The following CTNNA3 variants were observed in gnomAD, a reference collection of about 807,000 sequenced individuals.
CTNNA3 encodes catenin alpha-3.
Under a neutral mutation model 95.7 loss-of-function variants are expected in CTNNA3, and 76 were observed. The observed-to-expected ratio is 0.79, with a 90% CI of 0.66 to 0.96. The LOEUF (loss-of-function observed/expected upper bound fraction) is 0.96. Among genes scored for constraint, CTNNA3 ranks in the 40% least tolerant of loss-of-function variants. The pLI, the probability that CTNNA3 is intolerant of heterozygous loss-of-function variation, is 0.00. For synonymous variants in CTNNA3, 431 were observed against 374.4 expected (o/e 1.15, Z -1.74); for missense variants, 1,191 against 1,089.8 (o/e 1.09, Z -1.31).
At chr10:67,166,531 T>C (rs1055722396) in intron 7 of CTNNA3, among the ~76,000 whole-genome samples, 18 of 152,230 alleles carry the variant, frequency 1.2e-4, no homozygotes, top group Admixed American at 1.2e-3. Flanking sequence ...CTATTCTTTG[T>C]AATAGAATCC....
intron 16 of CTNNA3, among the ~76,000 whole-genome samples, chr10:65,981,820 A>G (rs922114308): frequency 3.3e-5 from 5 of 151,836 alleles, no homozygotes; most frequent in Admixed American, 2.0e-4. Context: ...CTGGGTTCTC[A>G]TCTCTCACCC....
chr10:66,698,719 A>G (rs1003858297), intron 9 of CTNNA3, among the ~76,000 whole-genome samples: 10 of 152,206 alleles, frequency 6.6e-5, no homozygotes, highest in African/African-American at 2.4e-4. Flanking sequence ...CCTAAAGCCT[A>G]TATTACTGAG....
Position 66,883,725 on chromosome 10 carries a change from T to G in CTNNA3, c.1048-108201A>C, listed in dbSNP as rs1249380803. 3.9e-5 allele frequency among the ~76,000 whole-genome samples: 6 copies of G among 152,260 alleles called. No homozygotes were observed. The East Asian group carries it at 1.2e-3, about 29-fold the overall frequency. On this transcript the variant is annotated intron_variant, in intron 7 of 17. Coordinates refer to ENST00000433211, the MANE Select transcript of CTNNA3 (RefSeq NM_013266.4). ...CTCTTTTTTCATTTTTATACTATGT[T>G]GCCCAAAGGAGTTAAATATTTTAAC...
intron 7 of CTNNA3, among the ~76,000 whole-genome samples, chr10:66,806,760 G>A (rs1030509077): frequency 3.3e-3 from 53 of 16,174 alleles, no homozygotes; most frequent in African/African-American, 8.2e-3. Flanking sequence ...GCATATATGT[G>A]TGTGTGTGTG....
chr10:67,739,063 C>T (rs9415886), intron 1 of CTNNA3, among the ~76,000 whole-genome samples: 15,437 of 152,080 alleles, frequency 0.1, 1,169 homozygotes, highest in African/African-American at 0.21. Flanking sequence ...CAAGGCAGGG[C>T]AACATTCAAA....
At chr10:67,190,438 G>T (rs1863068284) in intron 6 of CTNNA3, among the ~76,000 whole-genome samples, 1 of 151,844 alleles carries the variant, frequency 6.6e-6, no homozygotes, top group African/African-American at 2.4e-5. Context: ...TTATTTTGGG[G>T]GGAGGATGAG....
intron 13 of CTNNA3, among the ~76,000 whole-genome samples, chr10:66,252,060 G>A (rs2090575691): frequency 6.6e-6 from 1 of 152,116 alleles, no homozygotes; most frequent in African/African-American, 2.4e-5. Context: ...ACTTCTTTGA[G>A]ACATATGTCA....
At chr10:66,851,426 A>T (rs1009256700) in intron 7 of CTNNA3, among the ~76,000 whole-genome samples, 1 of 152,018 alleles carries the variant, frequency 6.6e-6, no homozygotes, top group African/African-American at 2.4e-5. Flanking sequence ...AGATATTTGG[A>T]TATTTGTCCC....
chr10:66,075,385 C>T (rs2080530713), intron 14 of CTNNA3, among the ~76,000 whole-genome samples: 1 of 151,566 alleles, frequency 6.6e-6, no homozygotes, highest in South Asian at 2.1e-4. Flanking sequence ...AATCCTAAAC[C>T]CCAGTTTCAT....
chr10:66,941,060 G>A (rs991819203), intron 7 of CTNNA3, among the ~76,000 whole-genome samples: 4 of 152,130 alleles, frequency 2.6e-5, no homozygotes, highest in Admixed American at 6.5e-5. Flanking sequence ...AGACGATGGG[G>A]GAAAGGCAGT....
chr10:67,685,281 G>T (rs951084944), intron 1 of CTNNA3, among the ~76,000 whole-genome samples: 1 of 152,180 alleles, frequency 6.6e-6, no homozygotes, highest in African/African-American at 2.4e-5. Flanking sequence ...ACTTAGAATT[G>T]GTATAGATGG....
rs1450407771 is a variant in CTNNA3 at position 66,360,739 on chromosome 10, T to C, written c.1732+18413A>G. On this transcript the variant is annotated intron_variant, in intron 12 of 17. Transcript: ENST00000433211. ...TCCTTTCTTCCTTTCTTTCTTTCTT[T>C]CTTTCTTCCTTCCTTCCTTCCTTCC... 1.5e-3 allele frequency among the ~76,000 whole-genome samples: 122 copies of C among 82,080 alleles called. 5 individuals carry two copies. The highest frequency in any genetic ancestry group is 4.3e-3 in the African/African-American group (97 of 22,450). The allele number at this position is 82,080 out of a possible 152,430, so 53.8% of individuals were successfully genotyped here.
intron 7 of CTNNA3, among the ~76,000 whole-genome samples, chr10:66,903,226 C>T (rs1203927219): frequency 6.6e-6 from 1 of 152,162 alleles, no homozygotes; most frequent in African/African-American, 2.4e-5. Context: ...GTTCAACATA[C>T]ACAAATCAGT....
chr10:66,154,760 A>T (rs1042401430), intron 13 of CTNNA3, among the ~76,000 whole-genome samples: 3 of 130,756 alleles, frequency 2.3e-5, no homozygotes, highest in South Asian at 2.4e-4. Context: ...AACAATTTAT[A>T]TGAAGCTCAA....
At chr10:67,013,696 T>C (rs1397372757) in intron 7 of CTNNA3, among the ~76,000 whole-genome samples, 1 of 152,162 alleles carries the variant, frequency 6.6e-6, no homozygotes, top group African/African-American at 2.4e-5. Flanking sequence ...AGGAAGGTAA[T>C]AGGCAGGTAA....
At chr10:66,604,218 A>C (rs1015706871) in intron 10 of CTNNA3, among the ~76,000 whole-genome samples, 1 of 152,154 alleles carries the variant, frequency 6.6e-6, no homozygotes, top group Non-Finnish European at 1.5e-5. Context: ...CATATAAGGA[A>C]CTCAAGCAGC....
intron 6 of CTNNA3, among the ~76,000 whole-genome samples, chr10:67,181,134 T>C (rs1862519484): frequency 6.6e-6 from 1 of 152,216 alleles, no homozygotes; most frequent in African/African-American, 2.4e-5. Flanking sequence ...ATTTTCATTA[T>C]GCCTCACTTT....
chr10:67,268,396 C>T (rs539213649), intron 5 of CTNNA3, among the ~76,000 whole-genome samples: 1 of 151,578 alleles, frequency 6.6e-6, no homozygotes, highest in East Asian at 1.9e-4. Flanking sequence ...GCGGCTCATG[C>T]CTGTAGTGCC....
intron 7 of CTNNA3, among the ~76,000 whole-genome samples, chr10:67,083,125 T>C (rs1857132708): frequency 6.6e-6 from 1 of 152,142 alleles, no homozygotes; most frequent in Admixed American, 6.6e-5. Context: ...CTCAGCCTTT[T>C]AAACTTTGAA....
Sources: allele counts gnomAD v4.1 joint callset (sites outside exome capture counted in the v4.1 genomes callset), GRCh38; gene constraint gnomAD v4.1.1; transcripts MANE v1.5; gene names NCBI Gene and HGNC (gene_info 2026-07-23, HGNC 2026-07-21).